TUSC3: variants seen among roughly 807,000 people sequenced by gnomAD.
TUSC3 encodes the protein dolichyl-diphosphooligosaccharide--protein glycosyltransferase subunit TUSC3.
TUSC3 carries 45 observed loss-of-function variants against 44.8 expected under a neutral mutation model. The observed-to-expected ratio is 1.00, with a 90% CI of 0.79 to 1.29. The LOEUF (loss-of-function observed/expected upper bound fraction) is 1.29. Among genes scored for constraint, TUSC3 ranks in the 50% most tolerant of loss-of-function variants. The pLI is 0.00. For synonymous variants in TUSC3, 212 were observed against 152.9 expected (o/e 1.39, Z -2.85); for missense variants, 519 against 437.9 (o/e 1.19, Z -1.65).
intron 1 of TUSC3, among the ~76,000 whole-genome samples, chr8:15,420,374 C>G (rs921849001): frequency 2.6e-5 from 4 of 152,012 alleles, no homozygotes; most frequent in African/African-American, 9.7e-5. Context: ...TGGCAGGCAC[C>G]TGTAGTCTCA....
the TUSC3 span, among the ~76,000 whole-genome samples, chr8:15,797,039 C>T: frequency 1.3e-5 from 2 of 152,208 alleles, no homozygotes; most frequent in East Asian, 1.9e-4. Context: ...CTCTCCCTAA[C>T]TGCATCGTCT....
chr8:15,575,600 C>T (rs1056745331), intron 1 of TUSC3, among the ~76,000 whole-genome samples: 1 of 152,004 alleles, frequency 6.6e-6, no homozygotes, highest in African/African-American at 2.4e-5. Flanking sequence ...AAACCCGTCT[C>T]TATTTAAAAT....
chr8:15,528,992 C>T (rs562910880), intron 2 of TUSC3, among the ~76,000 whole-genome samples: 15 of 152,182 alleles, frequency 9.9e-5, no homozygotes, highest in Non-Finnish European at 2.1e-4. Flanking sequence ...ATGAACAGTT[C>T]TTTGAAATTT....
chr8:15,697,222 A>G (rs1809207636), intron 6 of TUSC3, among the ~76,000 whole-genome samples: 1 of 152,126 alleles, frequency 6.6e-6, no homozygotes, highest in African/African-American at 2.4e-5. Flanking sequence ...TATATTTTCA[A>G]AGAACCAGCT....
chr8:15,654,275 A>G (rs1807051592), intron 3 of TUSC3, among the ~76,000 whole-genome samples: 1 of 152,150 alleles, frequency 6.6e-6, no homozygotes, highest in Admixed American at 6.5e-5. Flanking sequence ...CATGAGAGAA[A>G]CAAACATGAA....
chr8:15,782,507 A>C, the TUSC3 span, among the ~76,000 whole-genome samples: 1 of 152,282 alleles, frequency 6.6e-6, no homozygotes, highest in African/African-American at 2.4e-5. Flanking sequence ...TAGCAAAGTG[A>C]ATATACTCAT....
At position 15,566,770 on chromosome 8, in the gene TUSC3, C is replaced by T. The variant is rs193145581; in HGVS notation, c.138+26202C>T. Among the ~76,000 whole-genome samples the T allele has an allele frequency of 5.3e-5, 8 of 152,072 alleles. No homozygotes were observed. In the East Asian group the frequency reaches 1.2e-3, roughly 22 times the overall value. On this transcript the variant is annotated intron_variant, in intron 1 of 10. Coordinates refer to ENST00000503731, the MANE Select transcript of TUSC3 (RefSeq NM_006765.4). Reference sequence around the variant, plus strand: ...TCCTAAGTAGCTGGGATTATAGGCACGTGTCATCATGACTGGTTAATTTGT... The same window carrying T: ...TCCTAAGTAGCTGGGATTATAGGCATGTGTCATCATGACTGGTTAATTTGT...
At chr8:15,456,021 A>T (rs969614324) in intron 1 of TUSC3, among the ~76,000 whole-genome samples, 1 of 151,718 alleles carries the variant, frequency 6.6e-6, no homozygotes, top group African/African-American at 2.4e-5. Flanking sequence ...CCTACCAACC[A>T]CTCCGGTGGC....
the TUSC3 span, among the ~76,000 whole-genome samples, chr8:15,826,895 G>A: frequency 3.9e-5 from 6 of 152,276 alleles, no homozygotes; most frequent in Admixed American, 2.0e-4. Context: ...TTGGAGCTGG[G>A]TTGGGAACAG....
chr8:15,575,029 G>T (rs4403407), intron 1 of TUSC3, among the ~76,000 whole-genome samples: 84,486 of 151,902 alleles, frequency 0.56, 23,868 homozygotes, highest in East Asian at 0.62. Flanking sequence ...ATTTCTTGAA[G>T]TATTTAGAAA....
intron 2 of TUSC3, among the ~76,000 whole-genome samples, chr8:15,512,840 ATATT>A (rs1468184272): frequency 7.0e-6 from 1 of 142,940 alleles, no homozygotes; most frequent in Non-Finnish European, 1.5e-5. Context: ...GTGTGTATAT[ATATT>A]TGTGTGTGTG....
intron 1 of TUSC3, among the ~76,000 whole-genome samples, chr8:15,613,168 G>A (rs1017557403): frequency 1.3e-5 from 2 of 150,610 alleles, no homozygotes; most frequent in African/African-American, 4.9e-5. Flanking sequence ...GGGCTTGAGA[G>A]TAGGATCTGT....
At chr8:15,760,746 A>G (rs1812138743) in intron 10 of TUSC3, among the ~76,000 whole-genome samples, 1 of 152,196 alleles carries the variant, frequency 6.6e-6, no homozygotes, top group Non-Finnish European at 1.5e-5. Context: ...CCCATGGCCC[A>G]CAAAGTTTAA....
intron 3 of TUSC3, among the ~76,000 whole-genome samples, chr8:15,655,344 C>G (rs1037247495): frequency 1.2e-4 from 18 of 152,154 alleles, no homozygotes; most frequent in African/African-American, 4.1e-4. Context: ...GAACACTCCA[C>G]TAGTAAGGGA....
chr8:15,656,085 G>A (rs1563156723), intron 3 of TUSC3, among the ~76,000 whole-genome samples: 1 of 152,048 alleles, frequency 6.6e-6, no homozygotes. Context: ...GGTGGGCAGA[G>A]GCAGAATATG....
chr8:15,806,268 G>C, the TUSC3 span: 8 of 615,784 alleles, frequency 1.3e-5, no homozygotes, highest in Middle Eastern at 2.9e-4. Flanking sequence ...TGGCAGTCTG[G>C]GGATGTTCTC....
the TUSC3 span, among the ~76,000 whole-genome samples, chr8:15,786,550 T>G: frequency 2.6e-5 from 4 of 152,142 alleles, no homozygotes; most frequent in Non-Finnish European, 5.9e-5. Context: ...GGATGCAGAA[T>G]AGAGAAAAAG....
intron 2 of TUSC3, among the ~76,000 whole-genome samples, chr8:15,500,415 T>A (rs12114304): frequency 0.14 from 21,685 of 152,218 alleles, 1,741 homozygotes; most frequent in Middle Eastern, 0.21. Context: ...ATCACATTTT[T>A]AAAAAATCAC....
chr8:15,481,207 A>G (rs1800655454), intron 1 of TUSC3, among the ~76,000 whole-genome samples: 2 of 147,190 alleles, frequency 1.4e-5, no homozygotes, highest in Admixed American at 1.4e-4. Flanking sequence ...AGATGGCACC[A>G]TTGCACTACA....
Sources: allele counts gnomAD v4.1 joint callset (sites outside exome capture counted in the v4.1 genomes callset), GRCh38; gene constraint gnomAD v4.1.1; transcripts MANE v1.5; gene names NCBI Gene and HGNC (gene_info 2026-07-23, HGNC 2026-07-21).